Variants in ARHGEF26 observed in about 807,000 individuals in gnomAD.
ARHGEF26 encodes the protein Rho guanine nucleotide exchange factor (GEF) 26.
ARHGEF26 carries 59 observed loss-of-function variants against 89.4 expected under a neutral mutation model. The ratio of observed to expected loss-of-function variants is 0.66; its 90% CI spans 0.54 to 0.82. ARHGEF26 has a LOEUF of 0.82. Ranked by LOEUF, ARHGEF26 falls within the 40% of genes least tolerant of loss-of-function variation. The pLI is 0.00. For missense variants in ARHGEF26, 1,234 were observed against 1,085.6 expected, an observed-to-expected ratio of 1.14 and a Z score of -1.92; for synonymous variants, 500 against 428.4, an observed-to-expected ratio of 1.17 and a Z score of -2.06.
At chr3:154,169,830 GATGA>G (rs1712304267) in intron 6 of ARHGEF26, among the ~76,000 whole-genome samples, 1 of 152,152 alleles carries the variant, frequency 6.6e-6, no homozygotes, top group Non-Finnish European at 1.5e-5. Context: ...TTGATCAGTT[GATGA>G]AATTATTGTG....
intron 4 of ARHGEF26, among the ~76,000 whole-genome samples, chr3:154,136,205 G>A (rs1372614441): frequency 1.5e-5 from 1 of 66,998 alleles, no homozygotes; most frequent in African/African-American, 4.7e-5. Context: ...GAAATGGTTT[G>A]ATTTCTTAAA....
At chr3:154,252,142 GT>G (rs985042355) in intron 12 of ARHGEF26, among the ~76,000 whole-genome samples, 1 of 152,106 alleles carries the variant, frequency 6.6e-6, no homozygotes, top group Non-Finnish European at 1.5e-5. Flanking sequence ...TGAGAGAAGA[GT>G]TTTTTTCCCC....
intron 12 of ARHGEF26, among the ~76,000 whole-genome samples, chr3:154,244,644 A>C (rs1284929016): frequency 6.6e-6 from 1 of 151,992 alleles, no homozygotes; most frequent in Non-Finnish European, 1.5e-5. Context: ...GGTGACCCTA[A>C]TTATATATAA....
intron 10 of ARHGEF26, among the ~76,000 whole-genome samples, chr3:154,220,486 C>T (rs1224842059): frequency 6.6e-6 from 1 of 152,136 alleles, no homozygotes; most frequent in East Asian, 1.9e-4. Flanking sequence ...TGACCTGAAT[C>T]TTGAAAGGTG....
At chr3:154,243,239 C>T (rs540458816) in intron 12 of ARHGEF26, among the ~76,000 whole-genome samples, 114 of 152,180 alleles carry the variant, frequency 7.5e-4, no homozygotes, top group Non-Finnish European at 1.4e-3. Flanking sequence ...CCAGAGAATT[C>T]TCAGAAACTA....
At position 154,191,300 on chromosome 3, in the gene ARHGEF26, C is replaced by T. The variant is rs1713940840; in HGVS notation, c.1652C>T (p.Pro551Leu). 2.5e-6 allele frequency: 4 copies of T among 1,610,726 alleles called. No individual in the cohort carries two copies. Among genetic ancestry groups the T allele is most frequent in the East Asian group, 2.2e-5 (1 of 44,838 alleles). Residue 551 changes from proline to leucine, a missense_variant, in exon 8 of 15, where the codon CCA becomes CTA. Physicochemically the swap from Pro to Leu is moderately conservative, Grantham distance 98 (BLOSUM62 -3). Transcript: ENST00000465093. ...RTLQKLLATN[P>L]SFKEVLSRIE... ...TTGTTTTCCCTCAGAGCTACCAATC[C>T]ATCCTTTAAGGAAGTATTGTCAAGG...
intron 4 of ARHGEF26, among the ~76,000 whole-genome samples, chr3:154,130,016 A>G (rs1718585250): frequency 6.6e-6 from 1 of 152,156 alleles, no homozygotes; most frequent in African/African-American, 2.4e-5. Context: ...CCTGCACTTT[A>G]TCATAATTAT....
In ARHGEF26 at chr3:154,240,478, G is replaced by C. The variant is rs1409649362; in HGVS notation, c.2199G>C (p.Met733Ile). 4.3e-6 allele frequency: 7 copies of C among 1,613,384 alleles called. No homozygotes were observed. In the East Asian group the frequency reaches 1.6e-4, roughly 36 times the overall value. ...CTCCAGGGAAGAACAGCTCCACAATGCTCTATTCAAGACAGAGCTCTGCCA... is the reference window on the plus strand; with the variant it reads ...CTCCAGGGAAGAACAGCTCCACAATCCTCTATTCAAGACAGAGCTCTGCCA... The part of the protein sequence containing the change: ...NSSPGKNSST[M>I]LYSRQSSASH... The change falls in exon 12 of 15, where the codon ATG (methionine) becomes ATC (isoleucine). Residue 733 changes from methionine (M) to isoleucine (I), a missense_variant. Met to Ile is a conservative substitution (Grantham distance 10). Transcript: ENST00000465093.
At chr3:154,203,365 A>G (rs1185801203) in intron 9 of ARHGEF26, among the ~76,000 whole-genome samples, 4 of 151,856 alleles carry the variant, frequency 2.6e-5, no homozygotes, top group African/African-American at 9.7e-5. Flanking sequence ...ATCATGGTGG[A>G]TAAGCTTTTT....
chr3:154,154,795 T>TA (rs1410721079), intron 6 of ARHGEF26, among the ~76,000 whole-genome samples: 1 of 152,036 alleles, frequency 6.6e-6, no homozygotes, highest in African/African-American at 2.4e-5. Context: ...TATCATCGAG[T>TA]AACTGTGTAG....
chr3:154,144,300 T>C (rs1719569859), intron 4 of ARHGEF26, among the ~76,000 whole-genome samples: 1 of 152,186 alleles, frequency 6.6e-6, no homozygotes, highest in African/African-American at 2.4e-5. Context: ...ATGACTTAAC[T>C]TTTCTGTGTC....
At chr3:154,124,372 C>CTTTTTTTTTTTTTTTTTTTTCTTTTT in intron 2 of ARHGEF26, 38 bp from the exon 3 acceptor site, 1 of 1,007,768 alleles carries the variant, frequency 9.9e-7, no homozygotes, top group Non-Finnish European at 1.3e-6. Context: ...TTTGCTTTTC[C>CTTTTTTTTTTTTTTTTTTTTCTTTTT]TTTTTTTTTT....
At chr3:154,182,661 T>C (rs1713259863) in intron 6 of ARHGEF26, among the ~76,000 whole-genome samples, 1 of 152,240 alleles carries the variant, frequency 6.6e-6, no homozygotes, top group Non-Finnish European at 1.5e-5. Context: ...CTACTCTTCT[T>C]GCTGGATGTC....
At chr3:154,215,932 A>G (rs1438940223) in intron 9 of ARHGEF26, among the ~76,000 whole-genome samples, 2 of 152,202 alleles carry the variant, frequency 1.3e-5, no homozygotes, top group East Asian at 1.9e-4. Context: ...AAAAGAAAAA[A>G]GACATACAAG....
At position 154,152,911 on chromosome 3, in the gene ARHGEF26, A is replaced by G; in HGVS notation, c.1466A>G (p.Asp489Gly). The change falls in exon 6 of 15, where the codon GAT becomes GGT. Residue 489 changes from aspartate to glycine, a missense_variant. Asp to Gly is a moderately conservative substitution (Grantham distance 94, BLOSUM62 -1). Transcript: ENST00000465093. ...ERHHLFSNITDVCEASKKFFI... is the reference protein window; with the variant it reads ...ERHHLFSNITGVCEASKKFFI... Reference sequence around the variant, plus strand: ...CACCATCTTTTCTCCAATATTACAGATGTCTGTGAGGCAAGCAAAAAGTAA... The same window carrying G: ...CACCATCTTTTCTCCAATATTACAGGTGTCTGTGAGGCAAGCAAAAAGTAA... The G allele has an allele frequency of 6.3e-7, 1 of 1,595,454 alleles. No individual in the cohort carries two copies. The highest frequency in any genetic ancestry group is 8.5e-7 in the Non-Finnish European group (1 of 1,171,814).
chr3:154,237,538 T>TCACA (rs71152796), intron 11 of ARHGEF26, among the ~76,000 whole-genome samples: 17,239 of 143,154 alleles, frequency 0.12, 1,009 homozygotes, highest in Middle Eastern at 0.14. Flanking sequence ...TGAGACTCCG[T>TCACA]CACACACACA....
intron 8 of ARHGEF26, among the ~76,000 whole-genome samples, chr3:154,192,425 C>T (rs1198520652): frequency 6.6e-6 from 1 of 152,222 alleles, no homozygotes; most frequent in Non-Finnish European, 1.5e-5. Context: ...ATTTAGCTGA[C>T]TGCTGCAGTT....
chr3:154,126,909 G>A (rs1213091849), intron 3 of ARHGEF26, among the ~76,000 whole-genome samples: 2 of 152,208 alleles, frequency 1.3e-5, no homozygotes, highest in East Asian at 1.9e-4. Context: ...AGGATATATG[G>A]TAGAGCCAAA....
chr3:154,178,890 C>T (rs1203753569), intron 6 of ARHGEF26, among the ~76,000 whole-genome samples: 1 of 152,130 alleles, frequency 6.6e-6, no homozygotes, highest in East Asian at 1.9e-4. Context: ...TACACCCTGC[C>T]CTTCACCCTG....
Sources: allele counts gnomAD v4.1 joint callset (sites outside exome capture counted in the v4.1 genomes callset), GRCh38; gene constraint gnomAD v4.1.1; transcripts MANE v1.5; gene names NCBI Gene and HGNC (gene_info 2026-07-23, HGNC 2026-07-21).